YKT6: variants seen among roughly 807,000 people sequenced by gnomAD.
YKT6 encodes the protein YKT6 vesicular SNARE protein.
YKT6 carries 12 observed loss-of-function variants against 29.3 expected under a neutral mutation model. The ratio of observed to expected loss-of-function variants is 0.41; its 90% CI spans 0.26 to 0.66. The LOEUF (loss-of-function observed/expected upper bound fraction) is 0.66. Ranked by LOEUF, YKT6 falls within the 30% of genes least tolerant of loss-of-function variation. The pLI is 0.32. For missense variants in YKT6, 188 were observed against 243.8 expected, an observed-to-expected ratio of 0.77 and a Z score of 1.52; for synonymous variants, 86 against 94.3, an observed-to-expected ratio of 0.91 and a Z score of 0.51.
At chr7:44,201,780 T>C (rs1029762482) in intron 1 of YKT6, among the ~76,000 whole-genome samples, 1 of 152,250 alleles carries the variant, frequency 6.6e-6, no homozygotes, top group Non-Finnish European at 1.5e-5. Flanking sequence ...CCAACAATTC[T>C]GTATGAGAGA....
Position 44,207,445 on chromosome 7 carries a change from G to A in YKT6, c.346G>A (p.Ala116Thr). 6.2e-7 allele frequency: 1 copy of A among 1,614,124 alleles called. No individual in the cohort carries two copies. The highest frequency in any genetic ancestry group is 1.1e-5 in the South Asian group (1 of 91,084). The change falls in exon 4 of 7, where the codon GCT (alanine) becomes ACT (threonine). Residue 116 changes from alanine to threonine, a missense_variant. By Grantham distance (58) the Ala-to-Thr change is moderately conservative (BLOSUM62 0). Transcript: ENST00000223369. ...GATAGACTGGCCAGTAGGATCCCCT[G>A]CTACAATCCATTACCCAGCCCTGGA... ...DRIDWPVGSPATIHYPALDGH... is the reference protein window; with the variant it reads ...DRIDWPVGSPTTIHYPALDGH...
At position 44,201,212 on chromosome 7, in the gene YKT6, C is replaced by T. The variant is rs763866140; in HGVS notation, c.77C>T (p.Ser26Phe). 6.2e-6 allele frequency: 10 copies of T among 1,612,848 alleles called. No homozygotes were observed. The highest frequency in any genetic ancestry group is 8.5e-6 in the Non-Finnish European group (10 of 1,179,386). Residue 26 changes from serine to phenylalanine, a missense_variant, in exon 1 of 7, where the codon TCT becomes TTT. Transcript: ENST00000223369. ...CTGCTCAAAGCCGCATACGATGTGT[C>T]TTCCTTCAGCTTTTTCCAGAGATCC... ...VVLLKAAYDV[S>F]SFSFFQRSSV...
intron 1 of YKT6, among the ~76,000 whole-genome samples, chr7:44,203,309 G>C (rs1422257923): frequency 6.6e-6 from 1 of 152,118 alleles, no homozygotes; most frequent in Non-Finnish European, 1.5e-5. Flanking sequence ...AGCCAGGCTG[G>C]TCTCGAACTC....
chr7:44,206,499 T>C lies in YKT6; in HGVS notation c.288+14T>C. ...TTGCTGGAGAAGGTGAGTTTTTTAT[T>C]TGCCTCTCCTGGACTTGGATGATGA... On this transcript the variant is annotated intron_variant, in intron 3 of 6. Coordinates refer to ENST00000223369, the MANE Select transcript of YKT6 (RefSeq NM_006555.4). 6.2e-7 allele frequency: 1 copy of C among 1,610,362 alleles called. No homozygotes were observed. Among genetic ancestry groups the C allele is most frequent in the Non-Finnish European group, 8.5e-7 (1 of 1,177,210 alleles).
intron 5 of YKT6, among the ~76,000 whole-genome samples, chr7:44,209,017 G>A (rs2096343935): frequency 6.6e-6 from 1 of 152,156 alleles, no homozygotes. Flanking sequence ...CCTGAAGGTT[G>A]GGCCTTTCTG....
At chr7:44,209,652 A>G (rs1468387647) in intron 5 of YKT6, among the ~76,000 whole-genome samples, 2 of 152,220 alleles carry the variant, frequency 1.3e-5, no homozygotes, top group Admixed American at 6.5e-5. Context: ...AGCTGTGTGT[A>G]GGGATGAAGG....
intron 6 of YKT6, among the ~76,000 whole-genome samples, chr7:44,211,367 C>T (rs527820483): frequency 4.6e-5 from 7 of 152,312 alleles, no homozygotes; most frequent in Admixed American, 3.3e-4. Context: ...CTCTGCTCTG[C>T]CCTCTGCTGC....
chr7:44,208,545 G>T, intron 5 of YKT6: 1 of 307,996 alleles, frequency 3.2e-6, no homozygotes, highest in South Asian at 3.2e-5. Context: ...AGGGTTTCGG[G>T]TGCCTCCACA....
intron 1 of YKT6, among the ~76,000 whole-genome samples, chr7:44,201,490 G>A (rs1056075136): frequency 1.3e-5 from 2 of 152,320 alleles, no homozygotes; most frequent in Non-Finnish European, 2.9e-5. Context: ...TCTGGCCGTG[G>A]ACTCTACCTT....
At chr7:44,209,997 GAATTT>G (rs1182799865) in intron 5 of YKT6, among the ~76,000 whole-genome samples, 3 of 152,144 alleles carry the variant, frequency 2.0e-5, no homozygotes, top group African/African-American at 4.8e-5. Flanking sequence ...AAAATAGGTA[GAATTT>G]AATTTAATTA....
Position 44,213,880 on chromosome 7 carries a change from C to A in YKT6, c.*1598C>A, listed in dbSNP as rs139407935. 4.4e-4 allele frequency: 67 copies of A among 152,360 alleles called. No homozygotes were observed. Among genetic ancestry groups the A allele is most frequent in the African/African-American group, 1.5e-3 (64 of 41,568 alleles). The allele number at this position is 152,360 out of a possible 1,614,324, so 9.4% of individuals were successfully genotyped here. Reference sequence around the variant, plus strand: ...CTACCCCTGAAGAGCCTGTCCATGTCATTTTCCTACTGCCATAGATACCCT... The same window carrying A: ...CTACCCCTGAAGAGCCTGTCCATGTAATTTTCCTACTGCCATAGATACCCT... On this transcript the variant is annotated 3_prime_UTR_variant, in exon 7 of 7. Coordinates refer to ENST00000223369, the MANE Select transcript of YKT6 (RefSeq NM_006555.4).
chr7:44,203,340 T>G (rs1204490193), intron 1 of YKT6, among the ~76,000 whole-genome samples: 1 of 152,200 alleles, frequency 6.6e-6, no homozygotes, highest in Non-Finnish European at 1.5e-5. Context: ...GTGATCCGCC[T>G]GCCTTGGCCT....
intron 5 of YKT6, among the ~76,000 whole-genome samples, chr7:44,210,373 G>C (rs1036961663): frequency 6.6e-6 from 1 of 152,234 alleles, no homozygotes; most frequent in African/African-American, 2.4e-5. Context: ...CCTTGGATTA[G>C]AGGTGCATCA....
chr7:44,205,955 T>A (rs1282409956), intron 2 of YKT6, among the ~76,000 whole-genome samples: 1 of 152,176 alleles, frequency 6.6e-6, no homozygotes, highest in Non-Finnish European at 1.5e-5. Flanking sequence ...CTGAAAAGAT[T>A]TTTTAAGAAA....
At chr7:44,205,003 C>T (rs190767182) in intron 2 of YKT6, among the ~76,000 whole-genome samples, 8 of 152,294 alleles carry the variant, frequency 5.3e-5, no homozygotes, top group Non-Finnish European at 5.9e-5. Context: ...TTCTGTGCAT[C>T]GTAGATTTTT....
At chr7:44,206,647 G>A (rs1298820497) in intron 3 of YKT6, among the ~76,000 whole-genome samples, 162 bp downstream of exon 3, 1 of 152,158 alleles carries the variant, frequency 6.6e-6, no homozygotes. Flanking sequence ...GAGACAATTT[G>A]GCATCCCTGT....
At chr7:44,203,356 A>G (rs2096337772) in intron 1 of YKT6, among the ~76,000 whole-genome samples, 1 of 152,216 alleles carries the variant, frequency 6.6e-6, no homozygotes, top group African/African-American at 2.4e-5. Context: ...GGCCTCCCAA[A>G]GTGCTAGGAT....
In YKT6 at chr7:44,212,267, C is replaced by T. The variant is rs774116833; in HGVS notation, c.582C>T (p.Cys194=). 3 of 1,613,912 alleles carry T rather than the reference C, an allele frequency of 1.9e-6. No individual in the cohort carries two copies. The highest frequency in any genetic ancestry group is 2.7e-5 in the African/African-American group (2 of 74,928). Residue 194 remains cysteine, a synonymous_variant, in exon 7 of 7, where the codon TGC becomes TGT. Transcript: ENST00000223369. The part of the protein sequence containing the change: ...FYKTARKQNS[C]CAIM ...CCAAGGCCCGGAAACAAAACTCATGCTGTGCCATCATGTGATGCAGCCTGC... is the reference window on the plus strand; with the variant it reads ...CCAAGGCCCGGAAACAAAACTCATGTTGTGCCATCATGTGATGCAGCCTGC...
chr7:44,208,259 C>T lies in YKT6; in HGVS notation c.459+61C>T, dbSNP rs866906584. On this transcript the variant is annotated intron_variant, in intron 5 of 6. Transcript: ENST00000223369. ...AGGCGGGGGTGCGATTTCCACTGGC[C>T]AGGCATGCACAGATCCATCCTCGTT... The T allele has an allele frequency of 8.4e-6, 13 of 1,544,068 alleles. No homozygotes were observed. In the Middle Eastern group the frequency reaches 6.8e-4, roughly 80 times the overall value.
Sources: allele counts gnomAD v4.1 joint callset (sites outside exome capture counted in the v4.1 genomes callset), GRCh38; gene constraint gnomAD v4.1.1; transcripts MANE v1.5; gene names NCBI Gene and HGNC (gene_info 2026-07-23, HGNC 2026-07-21).